Variants in CSMD1 observed in about 807,000 individuals in gnomAD.
CSMD1 encodes CUB and Sushi multiple domains 1, also known as CUB and sushi domain-containing protein 1.
In CSMD1, 213 loss-of-function variants were observed where a neutral mutation model predicts 417.5. The observed-to-expected ratio is 0.51, with a 90% CI of 0.46 to 0.57. The LOEUF is 0.57. Among genes scored for constraint, CSMD1 ranks in the 20% least tolerant of loss-of-function variants. CSMD1 has a pLI of 0.00. For missense variants in CSMD1, 6,923 were observed against 4,529.7 expected, an observed-to-expected ratio of 1.53 and a Z score of -15.17; for synonymous variants, 2,862 against 1,736.8, an observed-to-expected ratio of 1.65 and a Z score of -16.11.
intron 5 of CSMD1, among the ~76,000 whole-genome samples, chr8:3,979,614 A>G (rs1051140958): frequency 2.2e-4 from 34 of 152,200 alleles, no homozygotes; most frequent in African/African-American, 7.7e-4. Flanking sequence ...ATGAGATTAT[A>G]AAAAGAGGAA....
At chr8:4,517,326 T>C (rs150110670) in intron 2 of CSMD1, among the ~76,000 whole-genome samples, 104 of 152,330 alleles carry the variant, frequency 6.8e-4, no homozygotes, top group Non-Finnish European at 1.2e-3. Context: ...CCGCTGTGAA[T>C]GTGATTGCAC....
intron 5 of CSMD1, among the ~76,000 whole-genome samples, chr8:3,932,436 T>C (rs150412528): frequency 6.6e-6 from 1 of 150,398 alleles, no homozygotes; most frequent in Admixed American, 6.6e-5. Context: ...TATTTCACTC[T>C]CATAACCCAG....
chr8:3,551,603 T>G (rs1481340932), intron 10 of CSMD1, among the ~76,000 whole-genome samples: 3 of 137,868 alleles, frequency 2.2e-5, no homozygotes, highest in Non-Finnish European at 4.6e-5. Context: ...TATATTTTTT[T>G]TTTTTTTTTT....
At position 3,409,502 on chromosome 8, in the gene CSMD1, C is replaced by A. The variant is rs1217287034; in HGVS notation, c.1665G>T (p.Ala555=). 2 of 1,611,278 alleles carry A rather than the reference C, an allele frequency of 1.2e-6. No individual in the cohort carries two copies. Among genetic ancestry groups the A allele is most frequent in the South Asian group, 2.2e-5 (2 of 90,248 alleles). Residue 555 remains alanine, a synonymous_variant, in exon 13 of 70, where the codon GCG becomes GCT. Transcript: ENST00000635120. ...CTCTCTCCCCCACCAGCTCAAAGGCCGCCGGGCATTCAAAGGTGAGTGTAT... is the reference window on the plus strand; with the variant it reads ...CTCTCTCCCCCACCAGCTCAAAGGCAGCCGGGCATTCAAAGGTGAGTGTAT... ...HGDTLTFECP[A]AFELVGERVI... is the part of the protein sequence containing the mutation.
intron 25 of CSMD1, among the ~76,000 whole-genome samples, chr8:3,285,430 A>T (rs1271434653): frequency 2.0e-5 from 3 of 149,266 alleles, no homozygotes; most frequent in Admixed American, 6.7e-5. Flanking sequence ...TCCCTCTCCT[A>T]GGCTGGAGTG....
intron 3 of CSMD1, among the ~76,000 whole-genome samples, chr8:4,171,993 G>C (rs145301456): frequency 2.0e-5 from 3 of 151,838 alleles, no homozygotes; most frequent in Admixed American, 2.0e-4. Context: ...TGAATATCAC[G>C]GTTTAATACC....
rs544850797 is a variant in CSMD1, at chr8:3,934,166, C to T, written c.818+63737G>A. On this transcript the variant is annotated intron_variant, in intron 5 of 69. Coordinates refer to ENST00000635120, the MANE Select transcript of CSMD1 (RefSeq NM_033225.6). Reference sequence around the variant, plus strand: ...ATGAGCTCATATTTTACAGAAATAACTGAATAGAATCTCGGCTAAACCATG... The same window carrying T: ...ATGAGCTCATATTTTACAGAAATAATTGAATAGAATCTCGGCTAAACCATG... Among the ~76,000 whole-genome samples the T allele has an allele frequency of 5.2e-4, 79 of 152,266 alleles. 1 individual carries two copies. The highest frequency in any genetic ancestry group is 1.6e-3 in the Admixed American group (24 of 15,286).
intron 3 of CSMD1, among the ~76,000 whole-genome samples, chr8:4,396,393 G>T (rs922223830): frequency 2.6e-5 from 4 of 152,102 alleles, no homozygotes; most frequent in African/African-American, 9.7e-5. Flanking sequence ...CTTGAGCCTG[G>T]GAGGCAGAGG....
chr8:3,659,988 CT>C (rs1798328161), intron 7 of CSMD1, among the ~76,000 whole-genome samples: 1 of 152,222 alleles, frequency 6.6e-6, no homozygotes, highest in Non-Finnish European at 1.5e-5. Context: ...AACTCACACA[CT>C]GCTCGTTCTG....
chr8:4,420,867 G>T (rs1394699583), intron 2 of CSMD1, among the ~76,000 whole-genome samples: 1 of 152,150 alleles, frequency 6.6e-6, no homozygotes, highest in African/African-American at 2.4e-5. Context: ...CTCCTGTGCT[G>T]TGAAGCCTGG....
chr8:4,099,471 C>CT (rs1300444789), intron 3 of CSMD1, among the ~76,000 whole-genome samples: 1 of 152,150 alleles, frequency 6.6e-6, no homozygotes, highest in Non-Finnish European at 1.5e-5. Context: ...CAACAATCAT[C>CT]TTCCACAGTG....
intron 3 of CSMD1, among the ~76,000 whole-genome samples, chr8:4,171,856 T>C (rs958406358): frequency 6.6e-6 from 1 of 152,194 alleles, no homozygotes; most frequent in African/African-American, 2.4e-5. Flanking sequence ...TTATGTGTGA[T>C]TCTCTCATTA....
intron 1 of CSMD1, among the ~76,000 whole-genome samples, chr8:4,751,650 C>G (rs1327727423): frequency 1.3e-5 from 2 of 152,048 alleles, no homozygotes; most frequent in African/African-American, 2.4e-5. Flanking sequence ...CACTATCACC[C>G]TCAGTGAATT....
intron 1 of CSMD1, among the ~76,000 whole-genome samples, chr8:4,701,166 G>A (rs147219750): frequency 2.0e-5 from 3 of 152,048 alleles, no homozygotes; most frequent in Admixed American, 1.3e-4. Flanking sequence ...CTCCCCCACA[G>A]CTAGGGGAGA....
chr8:4,242,454 T>A (rs1016887886), intron 3 of CSMD1, among the ~76,000 whole-genome samples: 3 of 152,212 alleles, frequency 2.0e-5, no homozygotes, highest in Non-Finnish European at 4.4e-5. Context: ...ATAATAGGAC[T>A]ATTGTTGTGA....
chr8:4,226,662 G>A (rs561122295), intron 3 of CSMD1, among the ~76,000 whole-genome samples: 2 of 151,920 alleles, frequency 1.3e-5, no homozygotes, highest in African/African-American at 4.8e-5. Flanking sequence ...TATAATCATA[G>A]AAATTAGTAA....
chr8:3,520,258 C>T (rs921166285), intron 10 of CSMD1, among the ~76,000 whole-genome samples: 2 of 152,026 alleles, frequency 1.3e-5, no homozygotes, highest in Non-Finnish European at 2.9e-5. Flanking sequence ...AGAGAGGAAG[C>T]ACCATACCAA....
At chr8:4,284,620 C>G (rs909499919) in intron 3 of CSMD1, among the ~76,000 whole-genome samples, 1 of 152,132 alleles carries the variant, frequency 6.6e-6, no homozygotes, top group Non-Finnish European at 1.5e-5. Context: ...TGGTAAAACT[C>G]ACAGCAACTG....
intron 5 of CSMD1, among the ~76,000 whole-genome samples, chr8:3,899,080 G>C (rs368841382): frequency 1.3e-5 from 2 of 152,304 alleles, no homozygotes; most frequent in African/African-American, 2.4e-5. Flanking sequence ...AATAAATAGA[G>C]AAGGGTTCAT....
Sources: allele counts gnomAD v4.1 joint callset (sites outside exome capture counted in the v4.1 genomes callset), GRCh38; gene constraint gnomAD v4.1.1; transcripts MANE v1.5; gene names NCBI Gene and HGNC (gene_info 2026-07-23, HGNC 2026-07-21).